ERAP1: variants seen among roughly 807,000 people sequenced by gnomAD.
The protein encoded by ERAP1 is adipocyte-derived leucine aminopeptidase.
ERAP1 carries 86 observed loss-of-function variants against 103.7 expected under a neutral mutation model. The ratio of observed to expected loss-of-function variants is 0.83; its 90% confidence interval spans 0.70 to 0.99. ERAP1 has a LOEUF of 0.99. ERAP1 is among the 50% of genes least tolerant of loss of function. The pLI, the probability that ERAP1 is intolerant of heterozygous loss-of-function variation, is 0.00. For synonymous variants in ERAP1, 398 were observed against 402.4 expected (o/e 0.99, Z 0.13); for missense variants, 1,009 against 1,128.4 (o/e 0.89, Z 1.52).
At chr5:96,778,973 AG>A (rs1252587494) in intron 18 of ERAP1, among the ~76,000 whole-genome samples, 3 of 152,182 alleles carry the variant, frequency 2.0e-5, no homozygotes, top group Non-Finnish European at 2.9e-5. Context: ...GCCCTGCTTC[AG>A]GATCTTCGCA....
chr5:96,876,079 G>A, the ERAP1 span: 8 of 152,564 alleles, frequency 5.2e-5, no homozygotes, highest in Admixed American at 1.3e-4. Flanking sequence ...GAAGCTGCCC[G>A]GGAGGTGTTT....
chr5:96,771,156 A>G (rs27034), downstream of ERAP1, among the ~76,000 whole-genome samples: 1,418 of 152,338 alleles, frequency 9.3e-3, 22 homozygotes, highest in African/African-American at 0.032. Flanking sequence ...GATATAGGAA[A>G]CAGCATTGAT....
At chr5:96,806,458 A>G (rs1778602287) in intron 1 of ERAP1, among the ~76,000 whole-genome samples, 1 of 152,234 alleles carries the variant, frequency 6.6e-6, no homozygotes, top group Admixed American at 6.5e-5. Flanking sequence ...CAGGCACTTT[A>G]CACATGCTCA....
the ERAP1 span, chr5:96,873,210 C>T: frequency 1.6e-5 from 6 of 378,358 alleles, no homozygotes; most frequent in East Asian, 7.4e-5. Context: ...CATGAAAATT[C>T]GTGAAATCTT....
At position 96,785,666 on chromosome 5, in the gene ERAP1, TAAAG is replaced by T; in HGVS notation, c.1943+118_1943+121del. 6 of 1,126,200 alleles carry T rather than the reference TAAAG, an allele frequency of 5.3e-6. No homozygotes were observed. The Admixed American group carries it at 5.9e-5, about 11-fold the overall frequency. The allele number at this position is 1,126,200 out of a possible 1,614,324, so 69.8% of individuals were successfully genotyped here. On this transcript the variant is annotated intron_variant, in intron 13 of 18. Coordinates refer to ENST00000443439, the MANE Select transcript of ERAP1 (RefSeq NM_001040458.3). ...GCAATCTTGGGTTGTTAGAAGAACT[TAAAG>T]GAAAACACCTTTCAACTTCTTGTTA... is the stretch of plus-strand genomic sequence containing the variant.
chr5:96,884,684 A>G, the ERAP1 span, among the ~76,000 whole-genome samples: 1 of 150,676 alleles, frequency 6.6e-6, no homozygotes, highest in East Asian at 2.0e-4. Context: ...CAGCCTCCCA[A>G]GTAGCTGGGA....
In ERAP1 at chr5:96,785,783, A is replaced by C. The variant is rs762154514; in HGVS notation, c.1943+5T>G. 1.9e-6 allele frequency: 3 copies of C among 1,614,042 alleles called. No homozygotes were observed. Among genetic ancestry groups the C allele is most frequent in the Non-Finnish European group, 2.5e-6 (3 of 1,179,888 alleles). ...TAAACCGCGACTTTGTGCAGCGTGTATTACCTGACGAGCTGAAATGCATTG... is the reference window on the plus strand; with the variant it reads ...TAAACCGCGACTTTGTGCAGCGTGTCTTACCTGACGAGCTGAAATGCATTG... On this transcript the variant is annotated splice_donor_5th_base_variant and intron_variant, in intron 13 of 18. Transcript: ENST00000443439.
the ERAP1 span, chr5:96,901,547 G>A: frequency 3.3e-5 from 53 of 1,613,852 alleles, no homozygotes; most frequent in Non-Finnish European, 4.1e-5. Flanking sequence ...AAGAGATGAT[G>A]ACTACATGGA....
the ERAP1 span, chr5:96,879,878 C>A: frequency 6.2e-7 from 1 of 1,614,156 alleles, no homozygotes; most frequent in South Asian, 1.1e-5. Context: ...ATTTCCTTGG[C>A]AGGAGCTAAG....
the ERAP1 span, chr5:96,918,784 T>C: frequency 6.6e-6 from 1 of 152,202 alleles, no homozygotes; most frequent in African/African-American, 2.4e-5. Context: ...TTAGATTGTA[T>C]TGTGTATTTT....
At chr5:96,800,841 T>C in intron 3 of ERAP1, 21 bp downstream of exon 3, 1 of 1,613,826 alleles carries the variant, frequency 6.2e-7, no homozygotes, top group Non-Finnish European at 8.5e-7. Flanking sequence ...CTATAGAAAA[T>C]ACACAGGAGT....
the ERAP1 span, chr5:96,935,841 C>T: frequency 2.7e-6 from 1 of 365,014 alleles, no homozygotes; most frequent in Non-Finnish European, 5.0e-6. Context: ...GGGGAGAGCG[C>T]CGCAGCCGGG....
chr5:96,765,114 C>T, intron 19 of ERAP1: 1 of 703,804 alleles, frequency 1.4e-6, no homozygotes, highest in Non-Finnish European at 2.6e-6. Flanking sequence ...ATGTCTTTTT[C>T]TTCCAAGGAA....
At chr5:96,765,383 G>T (rs1238681452) in intron 19 of ERAP1, 1 of 814,132 alleles carries the variant, frequency 1.2e-6, no homozygotes, top group African/African-American at 1.8e-5. Flanking sequence ...TAATCCTTGG[G>T]TCTTGACTCT....
chr5:96,861,451 G>A, the ERAP1 span, among the ~76,000 whole-genome samples: 6 of 152,336 alleles, frequency 3.9e-5, no homozygotes, highest in Admixed American at 1.3e-4. Context: ...TGACTGGTAT[G>A]TGCTTATTCT....
chr5:96,818,274 C>G, the ERAP1 span, among the ~76,000 whole-genome samples: 3 of 152,112 alleles, frequency 2.0e-5, no homozygotes, highest in Non-Finnish European at 4.4e-5. Context: ...CCTCCCTTTC[C>G]TCCTGTAAAT....
chr5:96,797,376 C>T (rs1777459591), intron 3 of ERAP1, 67 bp from the exon 4 acceptor site: 4 of 1,533,292 alleles, frequency 2.6e-6, no homozygotes, highest in Non-Finnish European at 3.6e-6. Context: ...TGATAAATTT[C>T]CTAATTATCA....
the ERAP1 span, among the ~76,000 whole-genome samples, chr5:96,851,167 G>C: frequency 0.023 from 3,462 of 152,232 alleles, 110 homozygotes; most frequent in East Asian, 0.12. Flanking sequence ...TTTAATTAGT[G>C]CTTCATAGTA....
At position 96,803,881 on chromosome 5, in the gene ERAP1, G is replaced by T; in HGVS notation, c.46C>A (p.Leu16Ile). The T allele has an allele frequency of 6.2e-7, 1 of 1,612,258 alleles. No homozygotes were observed. The change falls in exon 2 of 19, where the codon CTA (leucine) becomes ATA (isoleucine). Residue 16 changes from leucine to isoleucine, a missense_variant. Physicochemically the swap from Leu to Ile is conservative, Grantham distance 5. Around this residue, in one of 3 missense-constraint regions of ERAP1, gnomAD observed 392 missense variants for 455.2 expected, o/e 0.86. Coordinates refer to ENST00000443439, the MANE Select transcript of ERAP1 (RefSeq NM_001040458.3). ...AAGAGAGCCAACAGTGAGGAAAGTA[G>T]AAATGACATGGTTGCAAGGGACCAT... Reference protein sequence around the residue: ...LKWSLATMSFLLSSLLALLTV... With the variant: ...LKWSLATMSFILSSLLALLTV...
Sources: gnomAD v4.1 joint callset for allele counts (sites outside exome capture counted in the v4.1 genomes callset) on GRCh38, gnomAD v4.1.1 for gene constraint, gnomAD v4.1.1 regional missense constraint, MANE v1.5 for transcripts, NCBI Gene and HGNC (gene_info 2026-07-23, HGNC 2026-07-21) for gene names.